MTUS1: variants seen among roughly 807,000 people sequenced by gnomAD.
MTUS1 encodes microtubule associated scaffold protein 1, also known as microtubule-associated tumor suppressor 1.
MTUS1 carries 109 observed loss-of-function variants against 120.8 expected under a neutral mutation model. The observed-to-expected ratio is 0.90, with a 90% confidence interval of 0.77 to 1.06. The LOEUF is 1.06. Ranked by LOEUF, MTUS1 falls within the 50% of genes least tolerant of loss-of-function variation. MTUS1 has a pLI of 0.00. For missense variants in MTUS1, 2,210 were observed against 1,486.3 expected (o/e 1.49, Z -8.01); for synonymous variants, 737 against 550.5 (o/e 1.34, Z -4.74).
Position 17,714,868 on chromosome 8 carries a change from C to T in MTUS1, c.2584+899G>A, listed in dbSNP as rs2131032709. Among the ~76,000 whole-genome samples, 3 of 132,934 alleles carry T rather than the reference C, an allele frequency of 2.3e-5. No individual in the cohort carries two copies. The East Asian group carries it at 6.7e-4, about 30-fold the overall frequency. 87.2% of individuals were successfully genotyped at this position (132,934 alleles called of 152,430 possible). ...ATTATTCGCTCAGGCTTTAGTTAAG[C>T]TTCAGTTCACTAAGCACAAATAATG... is the stretch of plus-strand genomic sequence containing the variant. On this transcript the variant is annotated intron_variant, in intron 5 of 14. Coordinates refer to ENST00000693296, the MANE Select transcript of MTUS1 (RefSeq NM_001363059.2).
At chr8:17,779,731 C>A (rs927314551) in intron 1 of MTUS1, among the ~76,000 whole-genome samples, 3 of 152,232 alleles carry the variant, frequency 2.0e-5, no homozygotes, top group Non-Finnish European at 4.4e-5. Flanking sequence ...TCACAGACTT[C>A]TCTTTGGCAA....
Position 17,753,738 on chromosome 8 carries a change from A to G in MTUS1, c.2070T>C (p.Phe690=). 1 of 1,604,596 alleles carries G rather than the reference A, an allele frequency of 6.2e-7. No individual in the cohort carries two copies. Among genetic ancestry groups the G allele is most frequent in the Non-Finnish European group, 8.5e-7 (1 of 1,177,224 alleles). ...ELKQEIMNET[F]EYGSLFLGSA... is the part of the protein sequence containing the mutation. ...TTACCAAAAACAGAGAACCATATTC[A>G]AAAGTCTCATTCATAATCTCTTGTT... The change falls in exon 2 of 15, where the codon TTT becomes TTC. Residue 690 remains phenylalanine, a synonymous_variant. Coordinates refer to ENST00000693296, the MANE Select transcript of MTUS1 (RefSeq NM_001363059.2).
At position 17,754,902 on chromosome 8, in the gene MTUS1, G is replaced by T. The variant is rs2048482415; in HGVS notation, c.906C>A (p.Pro302=). The change falls in exon 2 of 15, where the codon CCC becomes CCA. Residue 302 remains proline, a synonymous_variant. Coordinates refer to ENST00000693296, the MANE Select transcript of MTUS1 (RefSeq NM_001363059.2). The part of the protein sequence containing the change: ...LTPVSDGMEV[P]NDSALQEFFC... Reference sequence around the variant, plus strand: ...AGAACTCTTGTAATGCAGAATCATTGGGGACTTCCATGCCATCAGAAACTG... The same window carrying T: ...AGAACTCTTGTAATGCAGAATCATTTGGGACTTCCATGCCATCAGAAACTG... 6.2e-7 allele frequency: 1 copy of T among 1,614,072 alleles called. No individual in the cohort carries two copies. Among genetic ancestry groups the T allele is most frequent in the African/African-American group, 1.3e-5 (1 of 74,926 alleles).
At chr8:17,659,902 C>T (rs1809306915) in intron 8 of MTUS1, among the ~76,000 whole-genome samples, 1 of 152,286 alleles carries the variant, frequency 6.6e-6, no homozygotes, top group Non-Finnish European at 1.5e-5. Context: ...CCCCAAGGCC[C>T]TGGCAGCGAC....
At chr8:17,753,613 C>G in intron 2 of MTUS1, 104 bp downstream of exon 2, 1 of 749,268 alleles carries the variant, frequency 1.3e-6, no homozygotes. Context: ...ATCTGCCCAC[C>G]TGGTTCTGCA....
At chr8:17,783,543 T>G (rs996307611) in intron 1 of MTUS1, among the ~76,000 whole-genome samples, 1 of 152,138 alleles carries the variant, frequency 6.6e-6, no homozygotes, top group Non-Finnish European at 1.5e-5. Flanking sequence ...AATAAAAAGA[T>G]ATGCAATGCG....
chr8:17,711,213 G>C (rs540455931), intron 6 of MTUS1, among the ~76,000 whole-genome samples: 21 of 152,184 alleles, frequency 1.4e-4, no homozygotes, highest in Non-Finnish European at 2.5e-4. Context: ...TCTGAAGCCA[G>C]GCACTGACTT....
At chr8:17,725,272 C>G (rs911768346) in intron 3 of MTUS1, among the ~76,000 whole-genome samples, 1 of 152,118 alleles carries the variant, frequency 6.6e-6, no homozygotes, top group Non-Finnish European at 1.5e-5. Flanking sequence ...GAAAGTAATG[C>G]CCATTGCTTT....
chr8:17,678,797 G>C (rs1294576966), intron 7 of MTUS1, among the ~76,000 whole-genome samples: 1 of 149,618 alleles, frequency 6.7e-6, no homozygotes, highest in African/African-American at 2.5e-5. Context: ...TTAGAGGTTT[G>C]GGGAGGGTGA....
intron 6 of MTUS1, among the ~76,000 whole-genome samples, chr8:17,712,237 C>T (rs566958769): frequency 6.6e-6 from 1 of 152,112 alleles, no homozygotes; most frequent in African/African-American, 2.4e-5. Flanking sequence ...TTCTAATCTG[C>T]CATGGATTTA....
At chr8:17,656,833 A>G (rs1053640711) in intron 8 of MTUS1, among the ~76,000 whole-genome samples, 1 of 151,874 alleles carries the variant, frequency 6.6e-6, no homozygotes, top group African/African-American at 2.4e-5. Context: ...GCACTTTGGG[A>G]GGCCGAGGCA....
intron 6 of MTUS1, among the ~76,000 whole-genome samples, chr8:17,706,701 A>G (rs1820237078): frequency 6.6e-6 from 1 of 152,214 alleles, no homozygotes; most frequent in Non-Finnish European, 1.5e-5. Context: ...ATCACAAGAA[A>G]TTGAAAGTTG....
chr8:17,644,227 A>C lies in MTUS1; in HGVS notation c.*1699T>G, dbSNP rs1805377745. On this transcript the variant is annotated 3_prime_UTR_variant, in exon 15 of 15. Transcript: ENST00000693296. ...GAAGCAAACATGGAAGGTTACATAC[A>C]TGATGAAGTATTGGAAGTTAAAGAC... 1 of 152,544 alleles carries C rather than the reference A, an allele frequency of 6.6e-6. No homozygotes were observed. The highest frequency in any genetic ancestry group is 2.1e-4 in the South Asian group (1 of 4,830). The allele number at this position is 152,544 out of a possible 1,614,324, so 9.4% of individuals were successfully genotyped here. A position where few individuals can be genotyped will look rare whatever the true frequency, so the allele number is the denominator to read the frequency against.
intron 1 of MTUS1, chr8:17,800,597 C>T (rs1379573638): frequency 6.6e-6 from 1 of 152,162 alleles, no homozygotes; most frequent in African/African-American, 2.4e-5. Flanking sequence ...AATAAGGTCA[C>T]CTTAATTAAG....
intron 3 of MTUS1, among the ~76,000 whole-genome samples, chr8:17,737,816 G>A (rs1211821067): frequency 1.3e-5 from 2 of 152,094 alleles, no homozygotes; most frequent in Non-Finnish European, 2.9e-5. Flanking sequence ...AACTTATTGG[G>A]TAATAACCTC....
intron 1 of MTUS1, among the ~76,000 whole-genome samples, chr8:17,756,671 A>AACCCCCCCCCCCCCCC (rs2048636698): frequency 8.5e-6 from 1 of 117,484 alleles, no homozygotes; most frequent in African/African-American, 3.2e-5. Flanking sequence ...TCAAGCCCAA[A>AACCCCCCCCCCCCCCC]CCCCCACCCC....
chr8:17,646,754 G>A (rs1459746878), intron 14 of MTUS1, among the ~76,000 whole-genome samples: 1 of 152,174 alleles, frequency 6.6e-6, no homozygotes, highest in Non-Finnish European at 1.5e-5. Flanking sequence ...GCAGCCAGAG[G>A]CCGTGGGAGC....
chr8:17,677,055 T>C (rs1813276219), intron 7 of MTUS1, among the ~76,000 whole-genome samples: 1 of 152,184 alleles, frequency 6.6e-6, no homozygotes, highest in South Asian at 2.1e-4. Context: ...AGTACCTTTC[T>C]GGCTTCAATG....
At chr8:17,791,763 C>T (rs10102764) in intron 1 of MTUS1, among the ~76,000 whole-genome samples, 99,055 of 152,054 alleles carry the variant, frequency 0.65, 33,891 homozygotes, top group Non-Finnish European at 0.77. Context: ...AACTCCCAAC[C>T]GACAGCACCA....
Sources: gnomAD v4.1 joint callset for allele counts (sites outside exome capture counted in the v4.1 genomes callset) on GRCh38, gnomAD v4.1.1 for gene constraint, MANE v1.5 for transcripts, NCBI Gene and HGNC (gene_info 2026-07-23, HGNC 2026-07-21) for gene names.